The following AGO2 variants were observed in gnomAD, a reference collection of about 807,000 sequenced individuals.
AGO2 encodes the protein protein argonaute-2.
A neutral mutation model predicts 102.3 loss-of-function variants in AGO2; 5 were observed. The ratio of observed to expected loss-of-function variants is 0.05; its 90% CI spans 0.03 to 0.10. AGO2 has a LOEUF of 0.10. AGO2 is among the 10% of genes least tolerant of loss of function. The probability of loss-of-function intolerance (pLI) is 1.00; values close to 1 mark genes in which losing one functional copy is unlikely to be tolerated. For synonymous variants in AGO2, 449 were observed against 473.1 expected, an observed-to-expected ratio of 0.95 and a Z score of 0.66; for missense variants, 541 against 1,183.7, an observed-to-expected ratio of 0.46 and a Z score of 7.97.
the AGO2 span, among the ~76,000 whole-genome samples, chr8:140,641,113 T>C: frequency 6.6e-6 from 1 of 151,980 alleles, no homozygotes; most frequent in South Asian, 2.1e-4. Context: ...GGCAACAGAG[T>C]GGGACCCTAT....
At chr8:140,617,442 G>A (rs893950452) in intron 1 of AGO2, among the ~76,000 whole-genome samples, 24 of 151,892 alleles carry the variant, frequency 1.6e-4, no homozygotes, top group South Asian at 4.2e-4. Flanking sequence ...TAGTAGAGAC[G>A]GGGTTTCACC....
At chr8:140,568,299 AAG>A (rs1380764690) in intron 3 of AGO2, among the ~76,000 whole-genome samples, 1 of 150,316 alleles carries the variant, frequency 6.7e-6, no homozygotes, top group Non-Finnish European at 1.5e-5. Flanking sequence ...AAAAAAAAAA[AAG>A]AGAGAGCACA....
chr8:140,567,980 C>T lies in AGO2; in HGVS notation c.336+4832G>A, dbSNP rs903486701. On this transcript the variant is annotated intron_variant, in intron 3 of 18. Coordinates refer to ENST00000220592, the MANE Select transcript of AGO2 (RefSeq NM_012154.5). The surrounding 1 kb of genome is among the most constrained non-coding windows in gnomAD (Gnocchi z 5.0). ...GTCCCTACAAAAAGAAAATTAGTGG[C>T]GGGGCACAGTGGCTCACACCTGTAA... is the stretch of plus-strand genomic sequence containing the variant. 4.0e-5 allele frequency among the ~76,000 whole-genome samples: 6 copies of T among 151,720 alleles called. No individual in the cohort carries two copies. The highest frequency in any genetic ancestry group is 4.2e-4 in the South Asian group (2 of 4,816).
chr8:140,604,740 T>C (rs2073973703), intron 1 of AGO2, among the ~76,000 whole-genome samples: 1 of 151,372 alleles, frequency 6.6e-6, no homozygotes, highest in South Asian at 2.1e-4. Flanking sequence ...GGCAGGAGAA[T>C]GGAGTGAACC....
chr8:140,552,502 GT>G (rs968846299), intron 10 of AGO2, among the ~76,000 whole-genome samples: 4 of 151,866 alleles, frequency 2.6e-5, no homozygotes, highest in African/African-American at 7.3e-5. Context: ...AGAGGTTTTT[GT>G]TTTTTTTAGC....
intron 1 of AGO2, among the ~76,000 whole-genome samples, chr8:140,609,500 C>G (rs535742988): frequency 2.6e-5 from 4 of 152,224 alleles, no homozygotes; most frequent in African/African-American, 9.6e-5. Context: ...GCACTGCTCC[C>G]GCACCGGCCT....
chr8:140,581,644 C>T (rs1344080395), intron 2 of AGO2, among the ~76,000 whole-genome samples: 1 of 152,208 alleles, frequency 6.6e-6, no homozygotes, highest in Non-Finnish European at 1.5e-5. Context: ...AGCAGTCCCA[C>T]TGATGGAGAG....
chr8:140,528,183 AAAAT>A lies in AGO2; in HGVS notation c.*3857_*3860del. On this transcript the variant is annotated 3_prime_UTR_variant, in exon 19 of 19. Coordinates refer to ENST00000220592, the MANE Select transcript of AGO2 (RefSeq NM_012154.5). This position sits in a 1 kb window ranked among gnomAD's most constrained non-coding sequence, Gnocchi z 4.5. ...AGAAAAATCACATTTGTGGCTTTCAAAAATAAATCATCCAGCAAACTTGAAGGTA... is the reference window on the plus strand; with the variant it reads ...AGAAAAATCACATTTGTGGCTTTCAAAAATCATCCAGCAAACTTGAAGGTA... 6.6e-6 allele frequency: 1 copy of A among 152,386 alleles called. No homozygotes were observed. Among genetic ancestry groups the A allele is most frequent in the South Asian group, 2.1e-4 (1 of 4,832 alleles). 9.4% of individuals were successfully genotyped at this position (152,386 alleles called of 1,614,324 possible). A position where few individuals can be genotyped will look rare whatever the true frequency, so the allele number is the denominator to read the frequency against.
intron 1 of AGO2, among the ~76,000 whole-genome samples, chr8:140,627,004 C>T (rs942281769): frequency 6.6e-6 from 1 of 152,026 alleles, no homozygotes; most frequent in Non-Finnish European, 1.5e-5. Context: ...GGTCTCTGAG[C>T]ACACCAGGCG....
rs142977065 is a variant in AGO2 at position 140,544,249 on chromosome 8, G to A, written c.1803C>T (p.Pro601=). ...AGGGCTTCTTCCCATCCCCGGCGGGGGGGTGAGTGACGTCTGCTCCCAGAA... is the reference window on the plus strand; with the variant it reads ...AGGGCTTCTTCCCATCCCCGGCGGGAGGGTGAGTGACGTCTGCTCCCAGAA... The part of the protein sequence containing the change: ...VIFLGADVTH[P]PAGDGKKPSI... The change falls in exon 14 of 19, where the codon CCC becomes CCT. Residue 601 remains proline (P), a synonymous_variant. Coordinates refer to ENST00000220592, the MANE Select transcript of AGO2 (RefSeq NM_012154.5). 93 of 1,597,554 alleles carry A rather than the reference G, an allele frequency of 5.8e-5. No homozygotes were observed. The highest frequency in any genetic ancestry group is 7.3e-5 in the Non-Finnish European group (86 of 1,173,772).
chr8:140,605,153 T>C (rs1397877106), intron 1 of AGO2, among the ~76,000 whole-genome samples: 2 of 152,206 alleles, frequency 1.3e-5, no homozygotes, highest in Non-Finnish European at 1.5e-5. Flanking sequence ...TGGAATGCAG[T>C]GTACAATCTC....
At chr8:140,565,072 T>G (rs771123240) in intron 3 of AGO2, among the ~76,000 whole-genome samples, 6 of 151,620 alleles carry the variant, frequency 4.0e-5, no homozygotes, top group Non-Finnish European at 5.9e-5. Flanking sequence ...AGGCAGAGGT[T>G]GCAGTGAGCC....
chr8:140,543,839 CTGTCTGGGGTTCGGGGCTG>C (rs1230615104), intron 14 of AGO2, among the ~76,000 whole-genome samples: 8 of 152,246 alleles, frequency 5.3e-5, no homozygotes, highest in Non-Finnish European at 8.8e-5. Flanking sequence ...CAGCACGGGC[CTGTCTGGGGTTCGGGGCTG>C]TGTCCAAGGC....
intron 2 of AGO2, among the ~76,000 whole-genome samples, chr8:140,577,397 G>A (rs968034934): frequency 2.0e-5 from 3 of 152,186 alleles, no homozygotes; most frequent in Admixed American, 6.5e-5. Flanking sequence ...AATGGGGCAG[G>A]TGCTTTGGGG....
chr8:140,617,924 C>T (rs1260380873), intron 1 of AGO2, among the ~76,000 whole-genome samples: 1 of 152,032 alleles, frequency 6.6e-6, no homozygotes, highest in Non-Finnish European at 1.5e-5. Context: ...GGCAGGATTG[C>T]TCGAGCCTGG....
intron 14 of AGO2, 97 bp downstream of exon 14, chr8:140,544,116 T>C (rs946444502): frequency 2.2e-6 from 3 of 1,358,594 alleles, no homozygotes; most frequent in South Asian, 1.6e-5. Context: ...ACCCCATGCC[T>C]TTCAGGAAGG....
chr8:140,621,148 G>T (rs566979042), intron 1 of AGO2, among the ~76,000 whole-genome samples: 1 of 152,276 alleles, frequency 6.6e-6, no homozygotes, highest in South Asian at 2.1e-4. Context: ...CATTTCTGAT[G>T]ATCTCCAAGC....
chr8:140,601,643 C>T (rs1402653797), intron 1 of AGO2, among the ~76,000 whole-genome samples: 1 of 152,240 alleles, frequency 6.6e-6, no homozygotes, highest in Non-Finnish European at 1.5e-5. Flanking sequence ...AGCAACAGAG[C>T]ATGTGTCTGC....
intron 17 of AGO2, among the ~76,000 whole-genome samples, chr8:140,532,953 A>C (rs897155139): frequency 6.6e-6 from 1 of 150,546 alleles, no homozygotes; most frequent in South Asian, 2.1e-4. Flanking sequence ...AGCCGAGATC[A>C]CGCCACTGCA....
Sources: allele counts gnomAD v4.1 joint callset (sites outside exome capture counted in the v4.1 genomes callset), GRCh38; gene constraint gnomAD v4.1.1; non-coding constraint Gnocchi (gnomAD v3.1); transcripts MANE v1.5; gene names NCBI Gene and HGNC (gene_info 2026-07-23, HGNC 2026-07-21).